LRBA: variants seen among roughly 807,000 people sequenced by gnomAD.
LRBA encodes the protein LPS responsive beige-like anchor protein, also known as lipopolysaccharide-responsive and beige-like anchor protein.
A neutral mutation model predicts 330.0 loss-of-function variants in LRBA; 176 were observed. The observed-to-expected ratio is 0.53, with a 90% CI of 0.47 to 0.60. LRBA has a LOEUF of 0.60. Ranked by LOEUF, LRBA falls within the 20% of genes least tolerant of loss-of-function variation. The pLI is 0.00. For synonymous variants in LRBA, 1,230 were observed against 1,193.0 expected (o/e 1.03, Z -0.64); for missense variants, 3,259 against 3,444.8 (o/e 0.95, Z 1.35).
intron 33 of LRBA, among the ~76,000 whole-genome samples, chr4:150,801,563 G>A (rs1013705174): frequency 1.3e-5 from 2 of 152,080 alleles, no homozygotes; most frequent in East Asian, 1.9e-4. Flanking sequence ...AGTCATCATT[G>A]TATGCACACC....
chr4:150,326,038 A>C (rs1733218968), intron 48 of LRBA, 140 bp from the exon 49 acceptor site: 3 of 641,608 alleles, frequency 4.7e-6, no homozygotes, highest in Non-Finnish European at 8.5e-6. Context: ...CAGTGGGGCT[A>C]ACCACCTGGC....
intron 2 of LRBA, among the ~76,000 whole-genome samples, chr4:150,991,662 G>A (rs919762212): frequency 3.3e-5 from 5 of 152,174 alleles, no homozygotes; most frequent in African/African-American, 9.7e-5. Context: ...TAGGGATGGG[G>A]AAGAGAGAAA....
chr4:150,370,256 C>G (rs891630990), intron 47 of LRBA, among the ~76,000 whole-genome samples: 1 of 152,060 alleles, frequency 6.6e-6, no homozygotes, highest in African/African-American at 2.4e-5. Flanking sequence ...AAGTTTTATT[C>G]ACAATTGCCA....
intron 37 of LRBA, among the ~76,000 whole-genome samples, chr4:150,658,437 A>C (rs1263723329): frequency 6.7e-6 from 1 of 149,722 alleles, no homozygotes; most frequent in African/African-American, 2.5e-5. Context: ...AAGTTATCAT[A>C]ATACTTAGCA....
chr4:150,826,324 G>C (rs577516746), intron 30 of LRBA, among the ~76,000 whole-genome samples: 36 of 152,278 alleles, frequency 2.4e-4, no homozygotes, highest in Non-Finnish European at 4.0e-4. Context: ...TTTGGGATGG[G>C]GGGGAAGCCA....
chr4:150,528,750 T>C (rs545862778), intron 40 of LRBA, among the ~76,000 whole-genome samples: 1 of 152,032 alleles, frequency 6.6e-6, no homozygotes, highest in Non-Finnish European at 1.5e-5. Context: ...AAAAGGAATT[T>C]TTAAAAGGGG....
chr4:150,723,876 G>A (rs1729288624), intron 36 of LRBA, among the ~76,000 whole-genome samples: 1 of 152,170 alleles, frequency 6.6e-6, no homozygotes, highest in African/African-American at 2.4e-5. Context: ...ATCACAAGCT[G>A]ACAGAAGAGC....
intron 13 of LRBA, 110 bp downstream of exon 13, chr4:150,905,728 G>A: frequency 1.1e-6 from 1 of 921,392 alleles, no homozygotes; most frequent in South Asian, 2.2e-5. Flanking sequence ...ATCCACTGAA[G>A]TCTTGCATAA....
intron 9 of LRBA, among the ~76,000 whole-genome samples, chr4:150,913,915 T>C (rs1441815334): frequency 1.3e-5 from 2 of 152,192 alleles, no homozygotes; most frequent in African/African-American, 4.8e-5. Context: ...ATGGGGCCCA[T>C]AAAATGTTTT....
At position 150,734,687 on chromosome 4, in the gene LRBA, T is replaced by C. The variant is rs75295381; in HGVS notation, c.5754+571A>G. On this transcript the variant is annotated intron_variant, in intron 36 of 56. Transcript: ENST00000651943. Reference sequence around the variant, plus strand: ...TCTAGAAATTTGTATTTCTTATACATGTTCAGGCACAACTACTGAGATAAG... The same window carrying C: ...TCTAGAAATTTGTATTTCTTATACACGTTCAGGCACAACTACTGAGATAAG... Among the ~76,000 whole-genome samples the C allele has an allele frequency of 4.6e-3, 697 of 152,328 alleles. 6 individuals are homozygous for C. The highest frequency in any genetic ancestry group is 0.016 in the African/African-American group (666 of 41,582).
intron 46 of LRBA, among the ~76,000 whole-genome samples, chr4:150,426,695 A>G: frequency 6.6e-6 from 1 of 152,016 alleles, no homozygotes; most frequent in Non-Finnish European, 1.5e-5. Context: ...CATTTATAAA[A>G]GCATTTAACA....
intron 36 of LRBA, among the ~76,000 whole-genome samples, chr4:150,710,764 C>G (rs1455074908): frequency 1.3e-5 from 2 of 152,054 alleles, no homozygotes; most frequent in Admixed American, 6.6e-5. Flanking sequence ...TTACCTCCTA[C>G]AGCTATCTAT....
At chr4:150,757,539 G>GA (rs1249707122) in intron 35 of LRBA, among the ~76,000 whole-genome samples, 2 of 151,830 alleles carry the variant, frequency 1.3e-5, no homozygotes, top group Non-Finnish European at 2.9e-5. Flanking sequence ...ATAATAAGAA[G>GA]AAAAAAAGGT....
At chr4:151,005,914 C>T (rs1007436987) in intron 2 of LRBA, among the ~76,000 whole-genome samples, 1 of 151,998 alleles carries the variant, frequency 6.6e-6, no homozygotes, top group Non-Finnish European at 1.5e-5. Context: ...ACACTGTTCT[C>T]TTAAGGGTAA....
At chr4:150,735,113 C>G in intron 36 of LRBA, 145 bp downstream of exon 36, 1 of 647,472 alleles carries the variant, frequency 1.5e-6, no homozygotes, top group Non-Finnish European at 2.8e-6. Flanking sequence ...TCCCAGAACC[C>G]CCATGACTCT....
At chr4:150,873,297 G>T (rs1477974457) in intron 17 of LRBA, among the ~76,000 whole-genome samples, 1 of 152,084 alleles carries the variant, frequency 6.6e-6, no homozygotes, top group African/African-American at 2.4e-5. Context: ...AATTTTTAAA[G>T]ATCTATGAGG....
chr4:150,761,236 T>C (rs1468617387), intron 35 of LRBA, among the ~76,000 whole-genome samples: 2 of 152,110 alleles, frequency 1.3e-5, no homozygotes, highest in Non-Finnish European at 2.9e-5. Flanking sequence ...TTCTCCCTTT[T>C]ATCTCTCTTT....
intron 22 of LRBA, among the ~76,000 whole-genome samples, chr4:150,855,667 C>T (rs867200016): frequency 1.3e-5 from 2 of 152,060 alleles, no homozygotes; most frequent in African/African-American, 4.8e-5. Context: ...TTCTCCACTA[C>T]AATCAGAAAA....
At chr4:150,827,590 ATTTC>A (rs1405625064) in intron 30 of LRBA, among the ~76,000 whole-genome samples, 2 of 150,408 alleles carry the variant, frequency 1.3e-5, no homozygotes, top group Admixed American at 6.6e-5. Flanking sequence ...CTTCCTTATG[ATTTC>A]TTTTTTTTTC....
Sources: gnomAD v4.1 joint callset for allele counts (sites outside exome capture counted in the v4.1 genomes callset) on GRCh38, gnomAD v4.1.1 for gene constraint, MANE v1.5 for transcripts, NCBI Gene and HGNC (gene_info 2026-07-23, HGNC 2026-07-21) for gene names.